Variants in FEZ2 observed in about 807,000 individuals in gnomAD.
FEZ2 encodes the protein fasciculation and elongation protein zeta 2, also known as fasciculation and elongation protein zeta-2.
Under a neutral mutation model 40.4 loss-of-function variants are expected in FEZ2, and 51 were observed. The observed-to-expected ratio is 1.26, with a 90% CI of 1.01 to 1.59. The LOEUF is 1.59. Ranked by LOEUF, FEZ2 falls within the 40% of genes most tolerant of loss-of-function variation. The pLI is 0.00. For missense variants in FEZ2, 640 were observed against 438.3 expected (o/e 1.46, Z -4.11); for synonymous variants, 242 against 172.0 (o/e 1.41, Z -3.18).
Position 36,581,284 on chromosome 2 carries a change from C to T in FEZ2, c.634+6G>A. 6.2e-7 allele frequency: 1 copy of T among 1,612,970 alleles called. No individual in the cohort carries two copies. Among genetic ancestry groups the T allele is most frequent in the South Asian group, 1.1e-5 (1 of 91,002 alleles). ...AGAAATCATTGATTTCAGCAGGCTC[C>T]CTTACTCTCTTCATAACTGCCGGTA... is the stretch of plus-strand genomic sequence containing the variant. On this transcript the variant is annotated splice_donor_region_variant and intron_variant, in intron 4 of 7. Coordinates refer to ENST00000405912, the MANE Select transcript of FEZ2 (RefSeq NM_005102.3).
At chr2:36,563,241 T>C (rs942651886) in intron 5 of FEZ2, among the ~76,000 whole-genome samples, 3 of 152,154 alleles carry the variant, frequency 2.0e-5, no homozygotes, top group Admixed American at 1.3e-4. Flanking sequence ...TAGGGGAAAT[T>C]AGTGAAAATG....
chr2:36,586,571 G>A (rs949466364), intron 2 of FEZ2, among the ~76,000 whole-genome samples: 1 of 150,898 alleles, frequency 6.6e-6, no homozygotes, highest in East Asian at 2.0e-4. Context: ...AGGTTGCAGT[G>A]AGCCAAGATG....
At chr2:36,557,130 G>A (rs1392654272) in intron 6 of FEZ2, 2 of 152,104 alleles carry the variant, frequency 1.3e-5, no homozygotes, top group East Asian at 3.9e-4. Context: ...TTCCAATCAT[G>A]TTTAAAATTT....
chr2:36,578,956 AC>A (rs1217176221), intron 4 of FEZ2, 91 bp from the exon 5 acceptor site: 4 of 1,039,348 alleles, frequency 3.8e-6, no homozygotes, highest in Non-Finnish European at 5.7e-6. Context: ...CTAAATAAAC[AC>A]CTATGTAATC....
At chr2:36,593,106 T>C (rs1162726790) in intron 1 of FEZ2, among the ~76,000 whole-genome samples, 1 of 152,254 alleles carries the variant, frequency 6.6e-6, no homozygotes, top group African/African-American at 2.4e-5. Flanking sequence ...ATAGTCCATT[T>C]TCATGCAGCT....
intron 5 of FEZ2, among the ~76,000 whole-genome samples, chr2:36,571,371 C>T (rs975154460): frequency 2.0e-5 from 3 of 152,160 alleles, no homozygotes; most frequent in African/African-American, 4.8e-5. Context: ...TTCAAGAATG[C>T]GTATCAGAGC....
chr2:36,595,618 G>A (rs1669196124), intron 1 of FEZ2, among the ~76,000 whole-genome samples: 1 of 152,158 alleles, frequency 6.6e-6, no homozygotes, highest in Admixed American at 6.5e-5. Flanking sequence ...AGGGGTTGGG[G>A]ACCCCTTGAC....
At chr2:36,569,107 A>G (rs2125227218) in intron 5 of FEZ2, among the ~76,000 whole-genome samples, 1 of 152,178 alleles carries the variant, frequency 6.6e-6, no homozygotes, top group East Asian at 1.9e-4. Context: ...GCTTTTGTTT[A>G]CTCATTTATG....
chr2:36,560,707 A>T, intron 5 of FEZ2: 1 of 837,490 alleles, frequency 1.2e-6, no homozygotes, highest in South Asian at 1.7e-5. Flanking sequence ...TAAATTAGTA[A>T]ACTACCAGCT....
Position 36,578,642 on chromosome 2 carries a change from G to A in FEZ2, c.858C>T (p.Gly286=). 2 of 1,613,502 alleles carry A rather than the reference G, an allele frequency of 1.2e-6. No homozygotes were observed. The highest frequency in any genetic ancestry group is 2.2e-5 in the East Asian group (1 of 44,884). Residue 286 remains glycine (G), a synonymous_variant, in exon 5 of 8, where the codon GGC becomes GGT. Transcript: ENST00000405912. The part of the protein sequence containing the change: ...TAKKKKKLKN[G]SSQNGKNERS... Reference sequence around the variant, plus strand: ...TCTCATTCTTCCCATTCTGAGAGCTGCCATTTTTTAGTTTCTTTTTCTTTT... The same window carrying A: ...TCTCATTCTTCCCATTCTGAGAGCTACCATTTTTTAGTTTCTTTTTCTTTT...
intron 6 of FEZ2, chr2:36,557,585 G>A (rs1667989407): frequency 6.6e-6 from 1 of 151,978 alleles, no homozygotes; most frequent in Non-Finnish European, 1.5e-5. Flanking sequence ...CCATAACAAA[G>A]ACCTAACAGA....
intron 1 of FEZ2, among the ~76,000 whole-genome samples, chr2:36,595,545 G>A (rs543617104): frequency 6.6e-6 from 1 of 152,272 alleles, no homozygotes; most frequent in African/African-American, 2.4e-5. Context: ...ATGAGGCTTT[G>A]CTCACTCACT....
intron 5 of FEZ2, among the ~76,000 whole-genome samples, chr2:36,560,487 A>G (rs1286191325): frequency 6.6e-6 from 1 of 152,218 alleles, no homozygotes. Context: ...TTTTCTACAC[A>G]TGCAATACAT....
intron 2 of FEZ2, among the ~76,000 whole-genome samples, chr2:36,586,983 T>G (rs1465491093): frequency 6.6e-6 from 1 of 152,196 alleles, no homozygotes; most frequent in African/African-American, 2.4e-5. Flanking sequence ...GTGGAAGACA[T>G]TATCTTTTTC....
At position 36,555,716 on chromosome 2, in the gene FEZ2, C is replaced by G. The variant is rs1558439267; in HGVS notation, c.1012G>C (p.Val338Leu). The G allele has an allele frequency of 6.3e-7, 1 of 1,598,174 alleles. No homozygotes were observed. Among genetic ancestry groups the G allele is most frequent in the Admixed American group, 1.8e-5 (1 of 56,470 alleles). The change falls in exon 7 of 8, where the codon GTT becomes CTT. Residue 338 changes from valine (V) to leucine (L), a missense_variant. Val to Leu is a conservative substitution (Grantham distance 32, BLOSUM62 1). Coordinates refer to ENST00000405912, the MANE Select transcript of FEZ2 (RefSeq NM_005102.3). ...LRAMKEDSEK[V>L]PSLLTDYILK... is the part of the protein sequence containing the mutation. ...ATATAATCAGTTAACAAGCTCGGAA[C>G]TTTTTCACTGTCCTCCTTCATGGCA...
intron 4 of FEZ2, among the ~76,000 whole-genome samples, chr2:36,579,953 A>T (rs1202116147): frequency 6.6e-6 from 1 of 152,124 alleles, no homozygotes; most frequent in African/African-American, 2.4e-5. Flanking sequence ...ACCCAACATG[A>T]CTGGTATTCT....
At chr2:36,576,621 G>A (rs979480351) in intron 5 of FEZ2, among the ~76,000 whole-genome samples, 10 of 152,274 alleles carry the variant, frequency 6.6e-5, no homozygotes, top group Non-Finnish European at 1.2e-4. Flanking sequence ...AAGCTTAGCC[G>A]TGCCATTACT....
chr2:36,559,241 G>C (rs1479217239), intron 5 of FEZ2: 1 of 152,114 alleles, frequency 6.6e-6, no homozygotes, highest in Non-Finnish European at 1.5e-5. Context: ...AAGTAACAGC[G>C]CCATGTCTTT....
chr2:36,584,330 G>A (rs575084442), intron 2 of FEZ2, among the ~76,000 whole-genome samples: 2 of 152,282 alleles, frequency 1.3e-5, no homozygotes, highest in African/African-American at 4.8e-5. Context: ...TTCATGCCCA[G>A]GACTGCTAAA....
Sources: allele counts gnomAD v4.1 joint callset (sites outside exome capture counted in the v4.1 genomes callset), GRCh38; gene constraint gnomAD v4.1.1; transcripts MANE v1.5; gene names NCBI Gene and HGNC (gene_info 2026-07-23, HGNC 2026-07-21).